POFUT3: variants seen among roughly 807,000 people sequenced by gnomAD.
The protein encoded by POFUT3 is protein O-fucosyltransferase 3.
the POFUT3 span, among the ~76,000 whole-genome samples, chr8:33,443,613 C>T: frequency 2.0e-5 from 3 of 152,154 alleles, no homozygotes; most frequent in Non-Finnish European, 4.4e-5. Flanking sequence ...GCACCTCAGC[C>T]TCCTGAGTAG....
chr8:33,436,628 A>G, the POFUT3 span: 5 of 884,042 alleles, frequency 5.7e-6, no homozygotes, highest in Non-Finnish European at 9.5e-6. Flanking sequence ...ACCTTCCCAT[A>G]CTGCTAGAAG....
the POFUT3 span, among the ~76,000 whole-genome samples, chr8:33,413,053 A>G: frequency 6.6e-6 from 1 of 152,326 alleles, no homozygotes; most frequent in Admixed American, 6.5e-5. Context: ...CGAGACCGTG[A>G]TAGTTGTGTT....
chr8:33,426,604 C>T, the POFUT3 span, among the ~76,000 whole-genome samples: 1 of 152,202 alleles, frequency 6.6e-6, no homozygotes, highest in Non-Finnish European at 1.5e-5. Flanking sequence ...AAAGGTAAAA[C>T]AACAGATTCA....
chr8:33,367,516 G>A, the POFUT3 span, among the ~76,000 whole-genome samples: 7 of 128,652 alleles, frequency 5.4e-5, no homozygotes, highest in African/African-American at 1.9e-4. Context: ...AAGGCTGTGA[G>A]ACCCCTGATT....
chr8:33,464,840 C>T, the POFUT3 span, among the ~76,000 whole-genome samples: 2 of 152,106 alleles, frequency 1.3e-5, no homozygotes, highest in Non-Finnish European at 2.9e-5. Flanking sequence ...ACAATACCAA[C>T]ACTCACAGGT....
the POFUT3 span, among the ~76,000 whole-genome samples, chr8:33,408,160 C>G: frequency 6.8e-6 from 1 of 147,276 alleles, no homozygotes; most frequent in Non-Finnish European, 1.5e-5. Flanking sequence ...TCTATCTCTA[C>G]AAAAAAAATG....
chr8:33,377,226 T>C, the POFUT3 span, among the ~76,000 whole-genome samples: 1 of 150,292 alleles, frequency 6.7e-6, no homozygotes, highest in South Asian at 2.1e-4. Flanking sequence ...TGCAAGACTC[T>C]GTCTCAAAAA....
chr8:33,367,872 A>G, the POFUT3 span, among the ~76,000 whole-genome samples: 1 of 149,424 alleles, frequency 6.7e-6, no homozygotes, highest in Non-Finnish European at 1.5e-5. Flanking sequence ...GTTTTTAAAT[A>G]TAATTACTTT....
At chr8:33,326,310 C>T in the POFUT3 span, among the ~76,000 whole-genome samples, 4 of 152,062 alleles carry the variant, frequency 2.6e-5, no homozygotes, top group Non-Finnish European at 5.9e-5. Context: ...CAGCATGGCC[C>T]TCCAGTACCC....
the POFUT3 span, among the ~76,000 whole-genome samples, chr8:33,383,530 G>A: frequency 6.6e-6 from 1 of 152,160 alleles, no homozygotes; most frequent in Admixed American, 6.5e-5. Context: ...CAGGCACGGT[G>A]GCTCATACCT....
chr8:33,464,765 C>T, the POFUT3 span, among the ~76,000 whole-genome samples: 1 of 151,920 alleles, frequency 6.6e-6, no homozygotes, highest in Non-Finnish European at 1.5e-5. Context: ...GGTGACAGAG[C>T]CAGGCCTGGT....
the POFUT3 span, among the ~76,000 whole-genome samples, chr8:33,449,588 C>T: frequency 6.6e-6 from 1 of 152,046 alleles, no homozygotes; most frequent in African/African-American, 2.4e-5. Context: ...CCGCGTCTGG[C>T]CTGAGTTGAC....
At chr8:33,375,413 A>G in the POFUT3 span, among the ~76,000 whole-genome samples, 2 of 152,204 alleles carry the variant, frequency 1.3e-5, no homozygotes, top group Non-Finnish European at 2.9e-5. Context: ...GAGGACAATG[A>G]GCACAGATAG....
the POFUT3 span, among the ~76,000 whole-genome samples, chr8:33,412,184 G>A: frequency 1.3e-5 from 2 of 152,042 alleles, no homozygotes; most frequent in African/African-American, 2.4e-5. Context: ...TAAAACCCAC[G>A]GGCTTTGAAA....
At chr8:33,437,108 TA>T in the POFUT3 span, among the ~76,000 whole-genome samples, 1 of 152,230 alleles carries the variant, frequency 6.6e-6, no homozygotes, top group Non-Finnish European at 1.5e-5. Flanking sequence ...TGCTATTTTT[TA>T]TGGCTGTGTA....
the POFUT3 span, chr8:33,461,293 G>C: frequency 6.8e-7 from 1 of 1,462,818 alleles, no homozygotes; most frequent in African/African-American, 1.4e-5. Context: ...TGAAATAATT[G>C]GAGTTTTGAG....
chr8:33,436,596 C>T, the POFUT3 span: 7 of 900,180 alleles, frequency 7.8e-6, no homozygotes, highest in South Asian at 9.1e-5. Flanking sequence ...AGCCATAATT[C>T]TTAATGATGC....
the POFUT3 span, among the ~76,000 whole-genome samples, chr8:33,378,996 G>A: frequency 0.044 from 6,666 of 152,050 alleles, 318 homozygotes; most frequent in African/African-American, 0.11. Flanking sequence ...TGGATCATGG[G>A]GGTGATCTCC....
chr8:33,429,335 G>A, the POFUT3 span, among the ~76,000 whole-genome samples: 7 of 151,908 alleles, frequency 4.6e-5, no homozygotes, highest in Admixed American at 4.6e-4. Flanking sequence ...CCCTCTCCCT[G>A]CCAAAAAAAG....
Sources: gnomAD v4.1 joint callset for allele counts (sites outside exome capture counted in the v4.1 genomes callset) on GRCh38, gnomAD v4.1.1 for gene constraint, MANE v1.5 for transcripts, NCBI Gene and HGNC (gene_info 2026-07-23, HGNC 2026-07-21) for gene names.